The following KCNV1 variants were observed in gnomAD, a reference collection of about 807,000 sequenced individuals.
KCNV1 encodes potassium voltage-gated channel modifier subfamily V member 1.
In KCNV1, 2 loss-of-function variants were observed where a neutral mutation model predicts 36.4. The ratio of observed to expected loss-of-function variants is 0.05; its 90% CI spans 0.02 to 0.17. The LOEUF (loss-of-function observed/expected upper bound fraction) is 0.17, where lower values mean the gene tolerates loss of function less well. KCNV1 is among the 10% of genes least tolerant of loss of function. The pLI, the probability that KCNV1 is intolerant of heterozygous loss-of-function variation, is 1.00. For synonymous variants in KCNV1, 280 were observed against 261.1 expected (o/e 1.07, Z -0.70); for missense variants, 321 against 643.6 (o/e 0.50, Z 5.42).
Position 109,974,709 on chromosome 8 carries a change from G to A in KCNV1, c.-321C>T. On this transcript the variant is annotated 5_prime_UTR_variant, in exon 2 of 4. Coordinates refer to ENST00000524391, the MANE Select transcript of KCNV1 (RefSeq NM_014379.4). This position sits in a 1 kb window ranked among gnomAD's most constrained non-coding sequence, Gnocchi z 6.2. Reference sequence around the variant, plus strand: ...CCTGTGCACACTGCCGGTCGCCCTGGCCCTTCCCAAACGTTGTCACCCCGC... The same window carrying A: ...CCTGTGCACACTGCCGGTCGCCCTGACCCTTCCCAAACGTTGTCACCCCGC... 2.7e-6 allele frequency: 1 copy of A among 375,752 alleles called. No homozygotes were observed. Among genetic ancestry groups the A allele is most frequent in the Non-Finnish European group, 4.8e-6 (1 of 208,266 alleles). 23.3% of individuals were successfully genotyped at this position (375,752 alleles called of 1,614,324 possible). A position where few individuals can be genotyped will look rare whatever the true frequency, so the allele number is the denominator to read the frequency against.
chr8:109,969,405 A>G (rs962263385), intron 3 of KCNV1, among the ~76,000 whole-genome samples: 1 of 152,138 alleles, frequency 6.6e-6, no homozygotes, highest in African/African-American at 2.4e-5. Flanking sequence ...GCAAAAAGGT[A>G]TGGGAAATGG....
At chr8:109,971,939 C>G (rs895053854) in intron 3 of KCNV1, among the ~76,000 whole-genome samples, 3 of 152,084 alleles carry the variant, frequency 2.0e-5, no homozygotes, top group Non-Finnish European at 2.9e-5. Flanking sequence ...TTGTCCAGAA[C>G]CTTGAATAGG....
At position 109,972,260 on chromosome 8, in the gene KCNV1, G is replaced by A; in HGVS notation, c.989C>T (p.Thr330Ile). The change falls in exon 3 of 4, where the codon ACA (threonine) becomes ATA (isoleucine). Residue 330 changes from threonine to isoleucine, a missense_variant and splice_region_variant. By Grantham distance (89) the Thr-to-Ile change is moderately conservative (BLOSUM62 -1). Coordinates refer to ENST00000524391, the MANE Select transcript of KCNV1 (RefSeq NM_014379.4). This position sits in a 1 kb window ranked among gnomAD's most constrained non-coding sequence, Gnocchi z 5.2. ...LRMLKLGRHS[T>I]GLRSLGMTIT... ...AGGCATCAGTGAAATGTGAATACCT[G>A]TGGAATGTCTGCCCAGCTTTAGCAT... The A allele has an allele frequency of 3.2e-6, 5 of 1,583,936 alleles. No homozygotes were observed. Among genetic ancestry groups the A allele is most frequent in the Non-Finnish European group, 4.3e-6 (5 of 1,167,604 alleles).
rs1820017307 is a variant in KCNV1 at position 109,972,030 on chromosome 8, C to T, written c.991+228G>A. 6.6e-6 allele frequency among the ~76,000 whole-genome samples: 1 copy of T among 152,142 alleles called. No homozygotes were observed. The highest frequency in any genetic ancestry group is 2.1e-4 in the South Asian group (1 of 4,830). On this transcript the variant is annotated intron_variant, in intron 3 of 3. Transcript: ENST00000524391. The surrounding 1 kb of genome is among the most constrained non-coding windows in gnomAD (Gnocchi z 5.2). ...GTTAGCAAATGGTCAAATTGTCTCT[C>T]AACATTTCTCTTATGGAGAGGAGGT...
chr8:109,973,966 G>A lies in KCNV1; in HGVS notation c.423C>T (p.Gly141=), dbSNP rs1820046270. Residue 141 remains glycine (G), a synonymous_variant, in exon 2 of 4, where the codon GGC becomes GGT. Coordinates refer to ENST00000524391, the MANE Select transcript of KCNV1 (RefSeq NM_014379.4). ...LSFLQEIQYW[G]IDELSIDSCC... ...AGGAATCGATGCTGAGCTCATCGAT[G>A]CCCCAGTACTGGATCTCCTGCAGGA... The A allele has an allele frequency of 3.7e-6, 6 of 1,612,708 alleles. No individual in the cohort carries two copies. The highest frequency in any genetic ancestry group is 5.1e-6 in the Non-Finnish European group (6 of 1,179,818).
chr8:109,969,025 C>A (rs1279651322), intron 3 of KCNV1, among the ~76,000 whole-genome samples: 1 of 152,092 alleles, frequency 6.6e-6, no homozygotes, highest in Non-Finnish European at 1.5e-5. Flanking sequence ...CATTTTAGCA[C>A]TTGTTTCAAA....
chr8:109,971,513 A>C (rs990667152), intron 3 of KCNV1, among the ~76,000 whole-genome samples: 1 of 152,040 alleles, frequency 6.6e-6, no homozygotes, highest in Non-Finnish European at 1.5e-5. Flanking sequence ...ATTTTCACGT[A>C]TCTTATGTGT....
Position 109,967,755 on chromosome 8 carries a change from A to T in KCNV1, c.*333T>A. The T allele has an allele frequency of 5.3e-6, 1 of 188,570 alleles. No individual in the cohort carries two copies. Among genetic ancestry groups the T allele is most frequent in the Non-Finnish European group, 1.1e-5 (1 of 90,324 alleles). 11.7% of individuals were successfully genotyped at this position (188,570 alleles called of 1,614,324 possible). ...TTTTAAAAAATTAGTGGTGCAAAAA[A>T]CTTCTAATGTTAGTGATACATAAAA... On this transcript the variant is annotated 3_prime_UTR_variant, in exon 4 of 4. Transcript: ENST00000524391.
Position 109,967,785 on chromosome 8 carries a change from T to A in KCNV1, c.*303A>T. On this transcript the variant is annotated 3_prime_UTR_variant, in exon 4 of 4. Transcript: ENST00000524391. ...TAATGTTAGTGATACATAAAATCTT[T>A]AACTTTTTTGTATGTATTGCAATAA... The A allele has an allele frequency of 4.3e-6, 1 of 231,114 alleles. No individual in the cohort carries two copies. Among genetic ancestry groups the A allele is most frequent in the Non-Finnish European group, 8.5e-6 (1 of 117,896 alleles). The allele number at this position is 231,114 out of a possible 1,614,324, so 14.3% of individuals were successfully genotyped here. A position where few individuals can be genotyped will look rare whatever the true frequency, so the allele number is the denominator to read the frequency against.
chr8:109,974,581 A>G lies in KCNV1; in HGVS notation c.-193T>C, dbSNP rs1820057559. 1.7e-6 allele frequency: 1 copy of G among 590,840 alleles called. No individual in the cohort carries two copies. The highest frequency in any genetic ancestry group is 3.0e-6 in the Non-Finnish European group (1 of 334,170). The allele number at this position is 590,840 out of a possible 1,614,324, so 36.6% of individuals were successfully genotyped here. ...CTCCTCCTGCCGCTAGGGAGCCGGGAGTGCGCGGAAGCAGCGCACAAGTGG... is the reference window on the plus strand; with the variant it reads ...CTCCTCCTGCCGCTAGGGAGCCGGGGGTGCGCGGAAGCAGCGCACAAGTGG... On this transcript the variant is annotated 5_prime_UTR_variant, in exon 2 of 4. Transcript: ENST00000524391. This position sits in a 1 kb window ranked among gnomAD's most constrained non-coding sequence, Gnocchi z 6.2.
intron 3 of KCNV1, among the ~76,000 whole-genome samples, chr8:109,971,675 C>T (rs1820012968): frequency 6.6e-6 from 1 of 151,756 alleles, no homozygotes; most frequent in South Asian, 2.1e-4. Flanking sequence ...CTAGATAAAG[C>T]ATTTAATTAG....
In KCNV1 at chr8:109,963,813, CATAAA is replaced by C. The variant is rs1285481007; in HGVS notation, c.*4270_*4274del. 1.3e-5 allele frequency: 2 copies of C among 152,042 alleles called. No individual in the cohort carries two copies. The highest frequency in any genetic ancestry group is 2.4e-5 in the African/African-American group (1 of 41,396). 9.4% of individuals were successfully genotyped at this position (152,042 alleles called of 1,614,324 possible). A position where few individuals can be genotyped will look rare whatever the true frequency, so the allele number is the denominator to read the frequency against. ...TTGTATGTTATAGAAATAATATATA[CATAAA>C]ATAAAATATGAATATGTCACTCTTA... On this transcript the variant is annotated 3_prime_UTR_variant, in exon 4 of 4. Coordinates refer to ENST00000524391, the MANE Select transcript of KCNV1 (RefSeq NM_014379.4).
At chr8:109,971,095 A>C (rs959109282) in intron 3 of KCNV1, among the ~76,000 whole-genome samples, 18 of 152,242 alleles carry the variant, frequency 1.2e-4, no homozygotes, top group African/African-American at 4.3e-4. Flanking sequence ...TTAGGTGGTC[A>C]GTCAGGGCAC....
intron 1 of KCNV1, 70 bp from the exon 2 acceptor site, chr8:109,975,262 A>G (rs1186885697): frequency 6.6e-6 from 1 of 152,200 alleles, no homozygotes; most frequent in Admixed American, 6.5e-5. Context: ...AAGAACTAGG[A>G]GTGTCACTGT....
At position 109,965,184 on chromosome 8, in the gene KCNV1, G is replaced by C. The variant is rs1056114617; in HGVS notation, c.*2904C>G. The C allele has an allele frequency of 2.0e-5, 3 of 152,216 alleles. No homozygotes were observed. The highest frequency in any genetic ancestry group is 7.2e-5 in the African/African-American group (3 of 41,438). 9.4% of individuals were successfully genotyped at this position (152,216 alleles called of 1,614,324 possible). Reference sequence around the variant, plus strand: ...GATCGCGCCACTGGCACTCCAGCCTGGGCGACAGACGGACACTCCGTCTCA... The same window carrying C: ...GATCGCGCCACTGGCACTCCAGCCTCGGCGACAGACGGACACTCCGTCTCA... On this transcript the variant is annotated 3_prime_UTR_variant, in exon 4 of 4. Coordinates refer to ENST00000524391, the MANE Select transcript of KCNV1 (RefSeq NM_014379.4).
In KCNV1 at chr8:109,965,751, C is replaced by T. The variant is rs1819936906; in HGVS notation, c.*2337G>A. On this transcript the variant is annotated 3_prime_UTR_variant, in exon 4 of 4. Coordinates refer to ENST00000524391, the MANE Select transcript of KCNV1 (RefSeq NM_014379.4). ...CCTCTGAGAATAAGCTGATATTTTA[C>T]TTAAGGCATATTGAACTTCTCCATG... 6.6e-6 allele frequency: 1 copy of T among 152,198 alleles called. No homozygotes were observed. The allele number at this position is 152,198 out of a possible 1,614,324, so 9.4% of individuals were successfully genotyped here. A position where few individuals can be genotyped will look rare whatever the true frequency, so the allele number is the denominator to read the frequency against.
rs1291428891 is a variant in KCNV1, at chr8:109,965,038, C to T, written c.*3050G>A. 1 of 152,242 alleles carries T rather than the reference C, an allele frequency of 6.6e-6. No individual in the cohort carries two copies. The highest frequency in any genetic ancestry group is 1.5e-5 in the Non-Finnish European group (1 of 68,070). 9.4% of individuals were successfully genotyped at this position (152,242 alleles called of 1,614,324 possible). Reference sequence around the variant, plus strand: ...AGTGGCTAACACGGTGAAACCCCGTCTCTGCTAAAAATACAAAAAATTAGC... The same window carrying T: ...AGTGGCTAACACGGTGAAACCCCGTTTCTGCTAAAAATACAAAAAATTAGC... On this transcript the variant is annotated 3_prime_UTR_variant, in exon 4 of 4. Transcript: ENST00000524391.
In KCNV1 at chr8:109,974,176, C is replaced by T; in HGVS notation, c.213G>A (p.Val71=). 2 of 1,597,774 alleles carry T rather than the reference C, an allele frequency of 1.3e-6. No homozygotes were observed. Among genetic ancestry groups the T allele is most frequent in the Non-Finnish European group, 1.7e-6 (2 of 1,172,746 alleles). ...PHTRLGKLAV[V]VASYRRPGAL... ...CCCCGGGGCGGCGGTAGGAAGCCAC[C>T]ACCACGGCCAGCTTGCCAAGGCGCG... The change falls in exon 2 of 4, where the codon GTG becomes GTA. Residue 71 remains valine, a synonymous_variant. Transcript: ENST00000524391. This position sits in a 1 kb window ranked among gnomAD's most constrained non-coding sequence, Gnocchi z 6.2.
At chr8:109,969,053 CT>C (rs1360361139) in intron 3 of KCNV1, among the ~76,000 whole-genome samples, 5 of 152,084 alleles carry the variant, frequency 3.3e-5, no homozygotes, top group African/African-American at 1.2e-4. Context: ...TTTATGTTGT[CT>C]TGTATTTTAT....
Sources: allele counts gnomAD v4.1 joint callset (sites outside exome capture counted in the v4.1 genomes callset), GRCh38; gene constraint gnomAD v4.1.1; non-coding constraint Gnocchi (gnomAD v3.1); transcripts MANE v1.5; gene names NCBI Gene and HGNC (gene_info 2026-07-23, HGNC 2026-07-21).